DHRSX: variants seen among roughly 807,000 people sequenced by gnomAD.
DHRSX encodes the protein dehydrogenase/reductase X-linked.
DHRSX carries 31 observed loss-of-function variants against 34.0 expected under a neutral mutation model. The ratio of observed to expected loss-of-function variants is 0.91; its 90% confidence interval spans 0.69 to 1.23. The LOEUF is 1.23. DHRSX is among the 50% of genes most tolerant of loss of function. The pLI is 0.00. For synonymous variants in DHRSX, 201 were observed against 183.8 expected (o/e 1.09, Z -0.76); for missense variants, 414 against 428.1 (o/e 0.97, Z 0.29).
chrX:2,308,664 C>A (rs2042128643), intron 3 of DHRSX, among the ~76,000 whole-genome samples: 1 of 151,958 alleles, frequency 6.6e-6, no homozygotes, highest in Non-Finnish European at 1.5e-5. Flanking sequence ...ACAGCATTTT[C>A]TTCAGAATAA....
intron 3 of DHRSX, among the ~76,000 whole-genome samples, chrX:2,301,156 G>A (rs1187826546): frequency 3.3e-5 from 5 of 152,254 alleles, no homozygotes; most frequent in Non-Finnish European, 7.3e-5. Flanking sequence ...GCTTACGCCT[G>A]TAATCCCAGG....
chrX:2,487,847 G>C lies in DHRSX; in HGVS notation c.109+12970C>G, dbSNP rs1159111441. ...TTAAGAAGGGCATTTTGGCTAAAAG[G>C]TCTCTTCCCCATTTCTCAGAAGCAA... On this transcript the variant is annotated intron_variant, in intron 1 of 6. Coordinates refer to ENST00000334651, the MANE Select transcript of DHRSX (RefSeq NM_145177.3). The C allele has an allele frequency of 2.6e-5, 4 of 151,782 alleles. No homozygotes were observed. In the East Asian group the frequency reaches 7.7e-4, roughly 29 times the overall value. 9.4% of individuals were successfully genotyped at this position (151,782 alleles called of 1,614,324 possible). A position where few individuals can be genotyped will look rare whatever the true frequency, so the allele number is the denominator to read the frequency against.
At chrX:2,476,872 C>T (rs950524186) in intron 1 of DHRSX, among the ~76,000 whole-genome samples, 1 of 151,846 alleles carries the variant, frequency 6.6e-6, no homozygotes, top group Non-Finnish European at 1.5e-5. Context: ...TGTGGTAGTG[C>T]ATGCCTGTAA....
At chrX:2,451,068 T>C (rs2044210104) in intron 1 of DHRSX, among the ~76,000 whole-genome samples, 1 of 151,896 alleles carries the variant, frequency 6.6e-6, no homozygotes, top group Non-Finnish European at 1.5e-5. Flanking sequence ...GAGTGACAAA[T>C]GTCTGTAGTT....
At chrX:2,341,558 C>G (rs2042640184) in intron 3 of DHRSX, among the ~76,000 whole-genome samples, 1 of 151,868 alleles carries the variant, frequency 6.6e-6, no homozygotes, top group Admixed American at 6.6e-5. Context: ...CCACTGCAAT[C>G]CAGGATGATC....
chrX:2,357,167 C>G (rs1476058368), intron 3 of DHRSX, among the ~76,000 whole-genome samples: 1 of 152,074 alleles, frequency 6.6e-6, no homozygotes, highest in African/African-American at 2.4e-5. Context: ...TCGCTTGAAC[C>G]CAGGAGGCGG....
At chrX:2,351,716 G>A (rs1446925152) in intron 3 of DHRSX, among the ~76,000 whole-genome samples, 1 of 152,144 alleles carries the variant, frequency 6.6e-6, no homozygotes, top group African/African-American at 2.4e-5. Context: ...GACCACCTGG[G>A]TGAGACTACC....
At chrX:2,393,962 A>G (rs186616769) in intron 3 of DHRSX, among the ~76,000 whole-genome samples, 1 of 152,194 alleles carries the variant, frequency 6.6e-6, no homozygotes, top group Admixed American at 6.5e-5. Context: ...CACAGGGACC[A>G]TTCGGGGTTC....
intron 3 of DHRSX, among the ~76,000 whole-genome samples, chrX:2,342,870 TTCAG>T (rs2042657780): frequency 6.6e-6 from 1 of 152,144 alleles, no homozygotes. Context: ...AATTCAAACA[TTCAG>T]TCATTCTCCA....
intron 3 of DHRSX, among the ~76,000 whole-genome samples, chrX:2,397,928 G>GCA (rs1171939171): frequency 1.6e-5 from 1 of 62,980 alleles, no homozygotes; most frequent in Admixed American, 1.8e-4. Flanking sequence ...TCCTCAGAGC[G>GCA]CGCACACACA....
chrX:2,452,390 A>G (rs2044235148), intron 1 of DHRSX, among the ~76,000 whole-genome samples: 1 of 151,400 alleles, frequency 6.6e-6, no homozygotes, highest in South Asian at 2.1e-4. Flanking sequence ...ATGTTCCCTA[A>G]GCATGTAGCC....
chrX:2,396,961 A>G (rs186004050), intron 3 of DHRSX, among the ~76,000 whole-genome samples: 1 of 151,986 alleles, frequency 6.6e-6, no homozygotes, highest in Non-Finnish European at 1.5e-5. Context: ...GAATAAAGAG[A>G]ATGGCTGAAA....
At chrX:2,476,250 T>C (rs1334182462) in intron 1 of DHRSX, among the ~76,000 whole-genome samples, 2 of 151,836 alleles carry the variant, frequency 1.3e-5, no homozygotes, top group African/African-American at 2.4e-5. Context: ...AAAAAAAAAT[T>C]AGCCAGGCAT....
chrX:2,257,560 G>C (rs763358217), intron 5 of DHRSX, among the ~76,000 whole-genome samples: 2 of 152,192 alleles, frequency 1.3e-5, no homozygotes, highest in South Asian at 4.1e-4. Flanking sequence ...CGTCTCCCCA[G>C]ATTCCTATGA....
chrX:2,374,768 A>C (rs1301241657), intron 3 of DHRSX, among the ~76,000 whole-genome samples: 1 of 133,164 alleles, frequency 7.5e-6, no homozygotes, highest in African/African-American at 2.5e-5. Flanking sequence ...AAAACGAAAA[A>C]CAAAGTCTTC....
At chrX:2,443,544 T>A (rs1026035366) in intron 1 of DHRSX, among the ~76,000 whole-genome samples, 1 of 152,044 alleles carries the variant, frequency 6.6e-6, no homozygotes, top group Non-Finnish European at 1.5e-5. Context: ...ATGAGCTGCA[T>A]GACAGGGGAA....
intron 3 of DHRSX, chrX:2,392,265 T>G (rs916487896): frequency 6.4e-6 from 1 of 156,388 alleles, no homozygotes; most frequent in Admixed American, 6.5e-5. Context: ...TACAGTTCAG[T>G]TTTATGAAAC....
At chrX:2,480,083 C>T (rs1178393738) in intron 1 of DHRSX, among the ~76,000 whole-genome samples, 3 of 152,070 alleles carry the variant, frequency 2.0e-5, no homozygotes, top group Non-Finnish European at 2.9e-5. Context: ...ACTGCCAACA[C>T]TACTAACAGT....
intron 4 of DHRSX, among the ~76,000 whole-genome samples, chrX:2,282,840 G>A (rs868108749): frequency 2.9e-5 from 4 of 136,176 alleles, no homozygotes; most frequent in Admixed American, 7.2e-5. Context: ...GAGGGAGAAA[G>A]GGAGAGAGAG....
Sources: allele counts gnomAD v4.1 joint callset (sites outside exome capture counted in the v4.1 genomes callset), GRCh38; gene constraint gnomAD v4.1.1; transcripts MANE v1.5; gene names NCBI Gene and HGNC (gene_info 2026-07-23, HGNC 2026-07-21).